The following ADK variants were observed in gnomAD, a reference collection of about 807,000 sequenced individuals.
The protein encoded by ADK is N6,N6-dimethyladenosine kinase.
Under a neutral mutation model 44.7 loss-of-function variants are expected in ADK, and 24 were observed. That is an observed-to-expected ratio of 0.54 (90% CI 0.39 to 0.76). The LOEUF (loss-of-function observed/expected upper bound fraction) is 0.76, where lower values mean the gene tolerates loss of function less well. ADK is among the 30% of genes least tolerant of loss of function. The pLI, the probability that ADK is intolerant of heterozygous loss-of-function variation, is 0.00. For missense variants in ADK, 321 were observed against 425.1 expected (o/e 0.76, Z 2.15); for synonymous variants, 128 against 142.6 (o/e 0.90, Z 0.73).
At chr10:74,160,794 GA>G (rs2132036003) in intron 1 of ADK, among the ~76,000 whole-genome samples, 1 of 152,106 alleles carries the variant, frequency 6.6e-6, no homozygotes, top group Admixed American at 6.5e-5. Flanking sequence ...GGGGGAAATG[GA>G]TGGGTGTTGA....
intron 2 of ADK, among the ~76,000 whole-genome samples, chr10:74,201,573 C>T (rs996048249): frequency 1.3e-5 from 2 of 151,894 alleles, no homozygotes; most frequent in South Asian, 2.1e-4. Flanking sequence ...ATAAATGAAA[C>T]TTTATCATAG....
chr10:74,643,828 C>A (rs1033332065), intron 9 of ADK, among the ~76,000 whole-genome samples: 2 of 152,202 alleles, frequency 1.3e-5, no homozygotes, highest in Non-Finnish European at 2.9e-5. Flanking sequence ...GGCTAAGCTA[C>A]AATCCCTTGT....
chr10:74,603,144 G>A (rs1261333967), intron 9 of ADK, among the ~76,000 whole-genome samples: 4 of 152,076 alleles, frequency 2.6e-5, no homozygotes, highest in African/African-American at 9.7e-5. Flanking sequence ...AATACTAATG[G>A]AAGATAGGGA....
At position 74,674,918 on chromosome 10, in the gene ADK, G is replaced by A. The variant is rs189138578; in HGVS notation, c.964+4649G>A. The stretch of plus-strand genomic sequence containing the variant: ...TTAATTAATTAATAAAATAATTGTC[G>A]TTGACTCCTTCCACCTTGGGAATGA... On this transcript the variant is annotated intron_variant, in intron 10 of 10. Coordinates refer to ENST00000539909, the MANE Select transcript of ADK (RefSeq NM_006721.4). 3.4e-3 allele frequency among the ~76,000 whole-genome samples: 509 copies of A among 151,934 alleles called. 2 individuals are homozygous for A. Among genetic ancestry groups the A allele is most frequent in the Non-Finnish European group, 4.3e-3 (290 of 67,936 alleles).
chr10:74,639,533 G>T (rs1487076092), intron 9 of ADK, among the ~76,000 whole-genome samples: 2 of 152,094 alleles, frequency 1.3e-5, no homozygotes, highest in Non-Finnish European at 2.9e-5. Context: ...AAAATTACCT[G>T]CTATTACGAA....
chr10:74,230,101 T>G (rs1844701499), intron 3 of ADK, among the ~76,000 whole-genome samples: 1 of 149,112 alleles, frequency 6.7e-6, no homozygotes, highest in Non-Finnish European at 1.5e-5. Flanking sequence ...TCTGTAAAGC[T>G]AATAGAAAAA....
At chr10:74,303,603 T>TTTTTTTTTTTG (rs1564643400) in intron 3 of ADK, among the ~76,000 whole-genome samples, 1 of 137,044 alleles carries the variant, frequency 7.3e-6, no homozygotes, top group African/African-American at 2.8e-5. Flanking sequence ...TTTTTTTTTT[T>TTTTTTTTTTTG]TTTTTTTTTT....
chr10:74,242,926 C>T (rs542183310), intron 3 of ADK, among the ~76,000 whole-genome samples: 1 of 152,334 alleles, frequency 6.6e-6, no homozygotes, highest in African/African-American at 2.4e-5. Flanking sequence ...CCACTGAGAG[C>T]CATTTCCACC....
chr10:74,177,616 G>T (rs1416416042), intron 1 of ADK, among the ~76,000 whole-genome samples: 2 of 152,108 alleles, frequency 1.3e-5, no homozygotes, highest in African/African-American at 2.4e-5. Flanking sequence ...ATTTACGCTA[G>T]TTCAACTATT....
At chr10:74,201,206 C>T (rs1436626775) in intron 2 of ADK, among the ~76,000 whole-genome samples, 2 of 152,150 alleles carry the variant, frequency 1.3e-5, no homozygotes, top group Non-Finnish European at 1.5e-5. Context: ...GTCTGGTTTC[C>T]TCTCAGAAGC....
At chr10:74,564,695 A>G (rs1589252372) in intron 7 of ADK, among the ~76,000 whole-genome samples, 2 of 152,290 alleles carry the variant, frequency 1.3e-5, no homozygotes, top group South Asian at 4.1e-4. Flanking sequence ...CTAATTTTAC[A>G]TGTGCAAAAA....
intron 4 of ADK, among the ~76,000 whole-genome samples, chr10:74,327,012 GT>G (rs1177728227): frequency 1.3e-5 from 2 of 151,498 alleles, no homozygotes; most frequent in African/African-American, 4.8e-5. Flanking sequence ...TCTTTTGTAT[GT>G]TTTTTAGGTC....
At chr10:74,614,366 T>C (rs541931426) in intron 9 of ADK, among the ~76,000 whole-genome samples, 1 of 152,180 alleles carries the variant, frequency 6.6e-6, no homozygotes, top group Admixed American at 6.5e-5. Context: ...TCCACAAATA[T>C]GTTACTAAAT....
intron 3 of ADK, among the ~76,000 whole-genome samples, chr10:74,235,904 T>C (rs1844941472): frequency 6.6e-6 from 1 of 152,212 alleles, no homozygotes; most frequent in Non-Finnish European, 1.5e-5. Flanking sequence ...AAAGTGAGTC[T>C]GGCCCCTCAA....
intron 7 of ADK, among the ~76,000 whole-genome samples, chr10:74,564,670 G>T (rs764661044): frequency 3.9e-5 from 6 of 152,002 alleles, no homozygotes; most frequent in Non-Finnish European, 8.8e-5. Context: ...GGTTTTTTGT[G>T]TGTTTGCATT....
intron 7 of ADK, among the ~76,000 whole-genome samples, chr10:74,574,511 C>T (rs73276213): frequency 0.043 from 6,558 of 152,212 alleles, 435 homozygotes; most frequent in African/African-American, 0.14. Context: ...TTTGGCTTTG[C>T]TATTCTGCTT....
intron 6 of ADK, among the ~76,000 whole-genome samples, chr10:74,446,461 G>A (rs1318205982): frequency 6.6e-6 from 1 of 152,088 alleles, no homozygotes; most frequent in Non-Finnish European, 1.5e-5. Flanking sequence ...AGTGAGAGAC[G>A]ACGATAGGAA....
At chr10:74,585,398 C>T (rs758356450) in intron 7 of ADK, among the ~76,000 whole-genome samples, 1 of 152,078 alleles carries the variant, frequency 6.6e-6, no homozygotes, top group Non-Finnish European at 1.5e-5. Flanking sequence ...ATAGCATAGA[C>T]AACAATGAGA....
At chr10:74,285,102 A>G (rs1402271107) in intron 3 of ADK, among the ~76,000 whole-genome samples, 1 of 152,252 alleles carries the variant, frequency 6.6e-6, no homozygotes, top group Non-Finnish European at 1.5e-5. Flanking sequence ...ATGAGCAGCC[A>G]TTCTCAGAAT....
Sources: gnomAD v4.1 joint callset for allele counts (sites outside exome capture counted in the v4.1 genomes callset) on GRCh38, gnomAD v4.1.1 for gene constraint, MANE v1.5 for transcripts, NCBI Gene and HGNC (gene_info 2026-07-23, HGNC 2026-07-21) for gene names.